Variants in KLHDC2 observed in about 807,000 individuals in gnomAD.
The protein encoded by KLHDC2 is kelch domain containing 2.
Under a neutral mutation model 62.3 loss-of-function variants are expected in KLHDC2, and 38 were observed. The ratio of observed to expected loss-of-function variants is 0.61; its 90% confidence interval spans 0.47 to 0.80. The LOEUF (loss-of-function observed/expected upper bound fraction) is 0.80. KLHDC2 is among the 30% of genes least tolerant of loss of function. The probability of loss-of-function intolerance (pLI) is 0.00; values close to 1 mark genes in which losing one functional copy is unlikely to be tolerated. For missense variants in KLHDC2, 430 were observed against 495.3 expected, an observed-to-expected ratio of 0.87 and a Z score of 1.25; for synonymous variants, 159 against 161.0, an observed-to-expected ratio of 0.99 and a Z score of 0.09.
intron 8 of KLHDC2, 115 bp downstream of exon 8, chr14:49,779,921 A>C (rs1889853102): frequency 2.7e-6 from 2 of 746,918 alleles, no homozygotes; most frequent in Non-Finnish European, 4.5e-6. Context: ...AAATTAAATA[A>C]ACATAATTAC....
At chr14:49,782,498 C>T in intron 11 of KLHDC2, 41 bp downstream of exon 11, 2 of 1,594,978 alleles carry the variant, frequency 1.3e-6, no homozygotes, top group Non-Finnish European at 1.7e-6. Flanking sequence ...AACTTACTTG[C>T]AAAGCATTTG....
intron 3 of KLHDC2, among the ~76,000 whole-genome samples, chr14:49,775,459 A>G (rs1889750517): frequency 1.3e-5 from 2 of 152,216 alleles, no homozygotes; most frequent in Admixed American, 1.3e-4. Context: ...GCATATAGAA[A>G]ATAACTCAGT....
Position 49,777,889 on chromosome 14 carries a change from A to AATTG in KLHDC2, c.407_410dup (p.Cys137Ter), listed in dbSNP as rs1374187995. On this transcript the variant is annotated frameshift_variant, in exon 4 of 13. Transcript: ENST00000298307. LOFTEE classifies it high-confidence loss of function. Reference sequence around the variant, plus strand: ...CAGACAGAGTGTTACAGTGGGAAAGAATTGATTGCCAAGGAATTCCTCCAT... The same window carrying AATTG: ...CAGACAGAGTGTTACAGTGGGAAAGAATTGATTGATTGCCAAGGAATTCCTCCAT... 6.2e-7 allele frequency: 1 copy of AATTG among 1,612,436 alleles called. No homozygotes were observed. The highest frequency in any genetic ancestry group is 1.7e-5 in the Admixed American group (1 of 59,654).
In KLHDC2 at chr14:49,768,523, G is replaced by A. The variant is rs770982230; in HGVS notation, c.55G>A (p.Glu19Lys). 1.4e-5 allele frequency: 23 copies of A among 1,611,048 alleles called. No individual in the cohort carries two copies. The highest frequency in any genetic ancestry group is 2.2e-5 in the East Asian group (1 of 44,616). ...RADDLPGPAF[E>K]SYESMELACP... ...TGACGACTTGCCTGGGCCAGCCTTC[G>A]AGAGCTATGAGTCCATGGAGCTTGC... Residue 19 changes from glutamate to lysine, a missense_variant, in exon 1 of 13, where the codon GAG (glutamate) becomes AAG (lysine). Glu to Lys is a moderately conservative substitution (Grantham distance 56, BLOSUM62 1). Transcript: ENST00000298307.
intron 10 of KLHDC2, among the ~76,000 whole-genome samples, chr14:49,781,709 A>AG (rs1889912462): frequency 6.6e-6 from 1 of 152,272 alleles, no homozygotes; most frequent in East Asian, 1.9e-4. Context: ...AAAAAAAAAA[A>AG]AAATACATGG....
In KLHDC2 at chr14:49,774,940, G is replaced by C. The variant is rs141741700; in HGVS notation, c.351+262G>C. On this transcript the variant is annotated intron_variant, in intron 3 of 12. Transcript: ENST00000298307. ...TTCTTTGTGCTTTTTGCAGCTACTT[G>C]TTCTCTTAGAACCTTAAATGTTAGA... 686 of 417,254 alleles carry C rather than the reference G, an allele frequency of 1.6e-3. 3 individuals are homozygous for C. Among genetic ancestry groups the C allele is most frequent in the Admixed American group, 5.2e-3 (124 of 23,766 alleles). 25.8% of individuals were successfully genotyped at this position (417,254 alleles called of 1,614,324 possible).
At chr14:49,776,296 T>C (rs1462136308) in intron 3 of KLHDC2, among the ~76,000 whole-genome samples, 1 of 152,064 alleles carries the variant, frequency 6.6e-6, no homozygotes, top group African/African-American at 2.4e-5. Context: ...TTTATGGAGG[T>C]AGTTACAGAA....
intron 10 of KLHDC2, among the ~76,000 whole-genome samples, chr14:49,781,903 AT>A (rs528279707): frequency 2.8e-3 from 428 of 152,354 alleles, no homozygotes; most frequent in Non-Finnish European, 5.0e-3. Context: ...TTCCCCAAGT[AT>A]CTAAACCAAG....
In KLHDC2 at chr14:49,778,398, T is replaced by C. The variant is rs1889816470; in HGVS notation, c.550-13T>C. ...ATCATTTCTAAAATAACGCGGATTC[T>C]TATTTTCTGTAGAATTCAAGTCATC... On this transcript the variant is annotated splice_polypyrimidine_tract_variant and intron_variant, in intron 5 of 12. Coordinates refer to ENST00000298307, the MANE Select transcript of KLHDC2 (RefSeq NM_014315.3). 1 of 1,494,398 alleles carries C rather than the reference T, an allele frequency of 6.7e-7. No homozygotes were observed. The highest frequency in any genetic ancestry group is 9.2e-7 in the Non-Finnish European group (1 of 1,083,408). The allele number at this position is 1,494,398 out of a possible 1,614,324, so 92.6% of individuals were successfully genotyped here.
chr14:49,785,116 GAGTA>G lies in KLHDC2; in HGVS notation c.*2167_*2170del, dbSNP rs768914226. 6.2e-6 allele frequency: 10 copies of G among 1,605,720 alleles called. No individual in the cohort carries two copies. Among genetic ancestry groups the G allele is most frequent in the Non-Finnish European group, 7.7e-6 (9 of 1,172,720 alleles). The stretch of plus-strand genomic sequence containing the variant: ...CCTTTTCCCTTTTTCTGCACTCCAG[GAGTA>G]AGTTTCACTTTATATCTTTAAAAAG... On this transcript the variant is annotated 3_prime_UTR_variant, in exon 13 of 13. Transcript: ENST00000298307.
chr14:49,778,390 G>A (rs758752002), intron 5 of KLHDC2, 21 bp from the exon 6 acceptor site: 37 of 1,427,616 alleles, frequency 2.6e-5, no homozygotes, highest in East Asian at 2.3e-4. Context: ...CTAAAATAAC[G>A]CGGATTCTTA....
In KLHDC2 at chr14:49,783,174, G is replaced by A; in HGVS notation, c.*221G>A. 2.8e-6 allele frequency: 1 copy of A among 354,022 alleles called. No homozygotes were observed. Among genetic ancestry groups the A allele is most frequent in the Non-Finnish European group, 5.0e-6 (1 of 199,154 alleles). The allele number at this position is 354,022 out of a possible 1,614,324, so 21.9% of individuals were successfully genotyped here. A position where few individuals can be genotyped will look rare whatever the true frequency, so the allele number is the denominator to read the frequency against. ...TCTATTAAAGTAAAGTAATGGTTGG[G>A]CTTTTTACCCTGAAGAATGGTTGCT... On this transcript the variant is annotated 3_prime_UTR_variant, in exon 13 of 13. Transcript: ENST00000298307.
In KLHDC2 at chr14:49,785,081, A is replaced by G. The variant is rs769162379; in HGVS notation, c.*2128A>G. The G allele has an allele frequency of 1.0e-5, 16 of 1,607,142 alleles. No homozygotes were observed. The African/African-American group carries it at 2.0e-4, about 20-fold the overall frequency. On this transcript the variant is annotated 3_prime_UTR_variant, in exon 13 of 13. Coordinates refer to ENST00000298307, the MANE Select transcript of KLHDC2 (RefSeq NM_014315.3). Reference sequence around the variant, plus strand: ...TTTAAAATCATAATTCAAAAAAACAAATTTAAATACCTTTTCCCTTTTTCT... The same window carrying G: ...TTTAAAATCATAATTCAAAAAAACAGATTTAAATACCTTTTCCCTTTTTCT...
intron 3 of KLHDC2, among the ~76,000 whole-genome samples, chr14:49,776,017 G>C (rs1889765468): frequency 6.6e-6 from 1 of 152,172 alleles, no homozygotes; most frequent in African/African-American, 2.4e-5. Flanking sequence ...AGGGATTTGA[G>C]ATGCCTTGGG....
rs1271319202 is a variant in KLHDC2 at position 49,785,375 on chromosome 14, A to G, written c.*2422A>G. ...CAATTTATACCGCCCTTTACAAAAA[A>G]TGCTAAAACACTTGAATTAGTATCT... On this transcript the variant is annotated 3_prime_UTR_variant, in exon 13 of 13. Transcript: ENST00000298307. 8.6e-7 allele frequency: 1 copy of G among 1,165,574 alleles called. No homozygotes were observed. Among genetic ancestry groups the G allele is most frequent in the Non-Finnish European group, 1.3e-6 (1 of 772,600 alleles). 72.2% of individuals were successfully genotyped at this position (1,165,574 alleles called of 1,614,324 possible).
chr14:49,779,762 T>C lies in KLHDC2; in HGVS notation c.729T>C (p.Asn243=). The C allele has an allele frequency of 6.2e-7, 1 of 1,609,570 alleles. No individual in the cohort carries two copies. Reference sequence around the variant, plus strand: ...TCCTTTTTTAGGATGCTAGAATGAATGATCTTCACTATCTTAATCTGGATA... The same window carrying C: ...TCCTTTTTTAGGATGCTAGAATGAACGATCTTCACTATCTTAATCTGGATA... The part of the protein sequence containing the change: ...FGGRYRDARM[N]DLHYLNLDTW... The change falls in exon 8 of 13, where the codon AAT becomes AAC. Residue 243 remains asparagine (N), a synonymous_variant. Transcript: ENST00000298307.
At chr14:49,770,353 T>G (rs1232668132) in intron 1 of KLHDC2, among the ~76,000 whole-genome samples, 1 of 152,154 alleles carries the variant, frequency 6.6e-6, no homozygotes. Context: ...GCAGTTTTCC[T>G]CCCCAGGACA....
intron 11 of KLHDC2, 36 bp from the exon 12 acceptor site, chr14:49,782,506 T>C: frequency 6.3e-7 from 1 of 1,599,524 alleles, no homozygotes; most frequent in Non-Finnish European, 8.6e-7. Context: ...TGCAAAGCAT[T>C]TGCTTTTAAA....
Position 49,784,660 on chromosome 14 carries a change from A to T in KLHDC2, c.*1707A>T. 1 of 1,611,468 alleles carries T rather than the reference A, an allele frequency of 6.2e-7. No individual in the cohort carries two copies. The highest frequency in any genetic ancestry group is 8.5e-7 in the Non-Finnish European group (1 of 1,178,822). On this transcript the variant is annotated 3_prime_UTR_variant, in exon 13 of 13. Coordinates refer to ENST00000298307, the MANE Select transcript of KLHDC2 (RefSeq NM_014315.3). Reference sequence around the variant, plus strand: ...GCTATTTCCTTTTTACGTTCAGAAGATTGGGTGCAGACACTTTCACTTTGC... The same window carrying T: ...GCTATTTCCTTTTTACGTTCAGAAGTTTGGGTGCAGACACTTTCACTTTGC...
Sources: gnomAD v4.1 joint callset for allele counts (sites outside exome capture counted in the v4.1 genomes callset) on GRCh38, gnomAD v4.1.1 for gene constraint, MANE v1.5 for transcripts, NCBI Gene and HGNC (gene_info 2026-07-23, HGNC 2026-07-21) for gene names.